BANK1: variants seen among roughly 807,000 people sequenced by gnomAD.
The protein encoded by BANK1 is B-cell scaffold protein with ankyrin repeats.
BANK1 carries 95 observed loss-of-function variants against 94.5 expected under a neutral mutation model. The observed-to-expected ratio is 1.00, with a 90% CI of 0.85 to 1.19. The LOEUF (loss-of-function observed/expected upper bound fraction) is 1.19. BANK1 is among the 50% of genes most tolerant of loss of function. The pLI, the probability that BANK1 is intolerant of heterozygous loss-of-function variation, is 0.00. For synonymous variants in BANK1, 334 were observed against 308.4 expected (o/e 1.08, Z -0.87); for missense variants, 987 against 932.2 (o/e 1.06, Z -0.77).
intron 9 of BANK1, 62 bp downstream of exon 9, chr4:102,025,571 A>G (rs764921248): frequency 3.4e-6 from 5 of 1,488,146 alleles, no homozygotes; most frequent in Non-Finnish European, 3.7e-6. Context: ...AGGCTTACAT[A>G]GCAAATAGTG....
chr4:101,986,823 GTATATATATGTATATATATGTGTA>G (rs1725500842), intron 7 of BANK1, among the ~76,000 whole-genome samples: 1 of 115,408 alleles, frequency 8.7e-6, no homozygotes, highest in African/African-American at 3.4e-5. Context: ...ATATATATGT[GTATATATATGTATATATATGTGTA>G]TATATATGTA....
At chr4:101,808,941 A>G (rs1291944892) in intron 1 of BANK1, among the ~76,000 whole-genome samples, 1 of 152,210 alleles carries the variant, frequency 6.6e-6, no homozygotes, top group Non-Finnish European at 1.5e-5. Flanking sequence ...CAGTATGGAG[A>G]GTCCTTAAAG....
chr4:101,833,375 ATTG>A lies in BANK1; in HGVS notation c.469+3178_469+3180del, dbSNP rs1189875395. ...GTTTTGTTGTTTGTTCTGTTTTGTTATTGTTGTTGTTATTTTACAATAAAAGAC... is the reference window on the plus strand; with the variant it reads ...GTTTTGTTGTTTGTTCTGTTTTGTTATTGTTGTTATTTTACAATAAAAGAC... On this transcript the variant is annotated intron_variant, in intron 2 of 16. Coordinates refer to ENST00000322953, the MANE Select transcript of BANK1 (RefSeq NM_017935.5). Among the ~76,000 whole-genome samples, 3 of 151,980 alleles carry A rather than the reference ATTG, an allele frequency of 2.0e-5. No individual in the cohort carries two copies. The East Asian group carries it at 5.8e-4, about 29-fold the overall frequency.
chr4:101,830,171 A>T lies in BANK1; in HGVS notation c.434A>T (p.Asp145Val), dbSNP rs1190673684. ...ATCTCAACTGAACAGGAACCTGAAG[A>T]CTACATCTCTGTAATCCAGAGTATC... ...WEISTEQEPE[D>V]YISVIQSIIF... is the part of the protein sequence containing the mutation. Residue 145 changes from aspartate to valine, a missense_variant, in exon 2 of 17, where the codon GAC (aspartate) becomes GTC (valine). Coordinates refer to ENST00000322953, the MANE Select transcript of BANK1 (RefSeq NM_017935.5). 3.8e-6 allele frequency: 6 copies of T among 1,580,538 alleles called. No homozygotes were observed. The highest frequency in any genetic ancestry group is 5.1e-6 in the Non-Finnish European group (6 of 1,167,198).
At chr4:101,796,463 G>C (rs569829410) in intron 1 of BANK1, among the ~76,000 whole-genome samples, 1 of 152,224 alleles carries the variant, frequency 6.6e-6, no homozygotes, top group African/African-American at 2.4e-5. Context: ...TAAACAATCT[G>C]AGAATGAAAT....
chr4:102,058,959 C>A (rs1728325656), intron 11 of BANK1, among the ~76,000 whole-genome samples: 2 of 152,186 alleles, frequency 1.3e-5, no homozygotes, highest in Non-Finnish European at 2.9e-5. Context: ...TTCACTGTTA[C>A]AGTCCTTCTC....
intron 14 of BANK1, 79 bp from the exon 15 acceptor site, chr4:102,072,266 A>C: frequency 8.3e-7 from 1 of 1,201,282 alleles, no homozygotes. Flanking sequence ...TGTAGAAATC[A>C]TTTTTAAGAA....
chr4:102,040,876 G>T (rs1431470870), intron 10 of BANK1, among the ~76,000 whole-genome samples: 1 of 152,002 alleles, frequency 6.6e-6, no homozygotes, highest in African/African-American at 2.4e-5. Flanking sequence ...TTATTGGCAA[G>T]AAAATAAAGG....
At chr4:101,805,527 C>T (rs573252741) in intron 1 of BANK1, among the ~76,000 whole-genome samples, 13 of 151,364 alleles carry the variant, frequency 8.6e-5, no homozygotes, top group African/African-American at 1.7e-4. Flanking sequence ...AAGCTGTAGC[C>T]GTTTCTGAAT....
At position 101,824,402 on chromosome 4, in the gene BANK1, A is replaced by C. The variant is rs1396603725; in HGVS notation, c.71-5406A>C. Among the ~76,000 whole-genome samples, 4 of 152,366 alleles carry C rather than the reference A, an allele frequency of 2.6e-5. No individual in the cohort carries two copies. In the East Asian group the frequency reaches 7.7e-4, roughly 29 times the overall value. Reference sequence around the variant, plus strand: ...ATACAGATTATACAGGAAACACTTCATATATGAATGTCCCACTATGAATAA... The same window carrying C: ...ATACAGATTATACAGGAAACACTTCCTATATGAATGTCCCACTATGAATAA... On this transcript the variant is annotated intron_variant, in intron 1 of 16. Transcript: ENST00000322953.
At chr4:101,893,910 ATC>A (rs1344044832) in intron 5 of BANK1, among the ~76,000 whole-genome samples, 1 of 151,824 alleles carries the variant, frequency 6.6e-6, no homozygotes, top group Non-Finnish European at 1.5e-5. Flanking sequence ...CTTCTTTTTT[ATC>A]TCTCACTCTT....
At chr4:101,864,405 T>G (rs769170125) in intron 4 of BANK1, among the ~76,000 whole-genome samples, 2 of 152,192 alleles carry the variant, frequency 1.3e-5, no homozygotes, top group African/African-American at 2.4e-5. Flanking sequence ...CCAGTACATA[T>G]GCACAGATAT....
chr4:101,846,125 C>G (rs569493765), intron 2 of BANK1, among the ~76,000 whole-genome samples: 1 of 151,904 alleles, frequency 6.6e-6, no homozygotes, highest in Non-Finnish European at 1.5e-5. Context: ...GTTTGGCACA[C>G]GTATGTTTAT....
chr4:101,907,870 G>T (rs917651843), intron 6 of BANK1, among the ~76,000 whole-genome samples: 15 of 152,156 alleles, frequency 9.9e-5, no homozygotes, highest in Non-Finnish European at 1.9e-4. Flanking sequence ...ACCTCTTCAA[G>T]GAGAACTACA....
At chr4:101,937,941 G>A (rs1723624798) in intron 7 of BANK1, among the ~76,000 whole-genome samples, 2 of 151,834 alleles carry the variant, frequency 1.3e-5, no homozygotes, top group Non-Finnish European at 2.9e-5. Context: ...CCTTTGCAGG[G>A]ACATGGATGA....
At chr4:101,889,583 C>T (rs577831919) in intron 5 of BANK1, among the ~76,000 whole-genome samples, 4 of 116,580 alleles carry the variant, frequency 3.4e-5, no homozygotes, top group East Asian at 2.4e-4. Flanking sequence ...CCGGCCTGGG[C>T]GACAGAGCGA....
chr4:101,980,206 A>G (rs1482203306), intron 7 of BANK1, among the ~76,000 whole-genome samples: 1 of 151,828 alleles, frequency 6.6e-6, no homozygotes, highest in Non-Finnish European at 1.5e-5. Flanking sequence ...AATGTTAGAA[A>G]ATTACTCAAG....
At position 101,813,023 on chromosome 4, in the gene BANK1, C is replaced by A. The variant is rs1029508843; in HGVS notation, c.71-16785C>A. Among the ~76,000 whole-genome samples, 10 of 152,132 alleles carry A rather than the reference C, an allele frequency of 6.6e-5. No individual in the cohort carries two copies. In the East Asian group the frequency reaches 1.7e-3, roughly 26 times the overall value. ...GAATTTAAATACTCTTTAAAAATTG[C>A]TTTTATTTAATCACATACTGTATTA... is the stretch of plus-strand genomic sequence containing the variant. On this transcript the variant is annotated intron_variant, in intron 1 of 16. Transcript: ENST00000322953.
Position 101,790,808 on chromosome 4 carries a change from G to C in BANK1, c.-73G>C. On this transcript the variant is annotated 5_prime_UTR_variant, in exon 1 of 17. Transcript: ENST00000322953. ...CCAAAGGAAGAGAAAATCGCGGGGAGTCTCTGGCCGGGAGAGTCCAGGTAG... is the reference window on the plus strand; with the variant it reads ...CCAAAGGAAGAGAAAATCGCGGGGACTCTCTGGCCGGGAGAGTCCAGGTAG... 6.9e-7 allele frequency: 1 copy of C among 1,447,726 alleles called. No individual in the cohort carries two copies. Among genetic ancestry groups the C allele is most frequent in the Non-Finnish European group, 9.4e-7 (1 of 1,067,074 alleles). The allele number at this position is 1,447,726 out of a possible 1,614,324, so 89.7% of individuals were successfully genotyped here.
Sources: gnomAD v4.1 joint callset for allele counts (sites outside exome capture counted in the v4.1 genomes callset) on GRCh38, gnomAD v4.1.1 for gene constraint, MANE v1.5 for transcripts, NCBI Gene and HGNC (gene_info 2026-07-23, HGNC 2026-07-21) for gene names.